The following CLASP1 variants were observed in gnomAD, a reference collection of about 807,000 sequenced individuals.
CLASP1 encodes cytoplasmic linker associated protein 1.
A neutral mutation model predicts 192.3 loss-of-function variants in CLASP1; 38 were observed. The observed-to-expected ratio is 0.20, with a 90% CI of 0.15 to 0.26. CLASP1 has a LOEUF of 0.26. CLASP1 is among the 10% of genes least tolerant of loss of function. The probability of loss-of-function intolerance (pLI) is 1.00; values close to 1 mark genes in which losing one functional copy is unlikely to be tolerated. For synonymous variants in CLASP1, 691 were observed against 712.8 expected, an observed-to-expected ratio of 0.97 and a Z score of 0.49; for missense variants, 1,433 against 1,932.5, an observed-to-expected ratio of 0.74 and a Z score of 4.85.
chr2:121,546,885 T>C (rs1318428817), intron 2 of CLASP1, among the ~76,000 whole-genome samples: 2 of 152,154 alleles, frequency 1.3e-5, no homozygotes, highest in African/African-American at 4.8e-5. Context: ...CCCATTCCTC[T>C]TCAGGGGATG....
intron 8 of CLASP1, among the ~76,000 whole-genome samples, chr2:121,499,405 T>TG (rs1017849233): frequency 3.3e-5 from 5 of 150,854 alleles, no homozygotes; most frequent in African/African-American, 7.3e-5. Context: ...CGCCAGAAAC[T>TG]GGGGGGAGAG....
chr2:121,643,269 C>T (rs997287511), intron 1 of CLASP1, among the ~76,000 whole-genome samples: 4 of 152,064 alleles, frequency 2.6e-5, no homozygotes, highest in Non-Finnish European at 4.4e-5. Flanking sequence ...CAAGTATATA[C>T]GCACTAAAGG....
exon 40 of CLASP1, chr2:121,340,059 C>T (rs1246614752): frequency 1.3e-5 from 2 of 152,214 alleles, no homozygotes; most frequent in Admixed American, 1.3e-4. Flanking sequence ...TCTTTATCTT[C>T]TGTGCTTCAT....
At chr2:121,344,287 G>A (rs1262458829) in intron 39 of CLASP1, among the ~76,000 whole-genome samples, 2 of 151,740 alleles carry the variant, frequency 1.3e-5, no homozygotes, top group African/African-American at 2.4e-5. Flanking sequence ...AGACCTCTTC[G>A]TACAGAAGAT....
rs532738435 is a variant in CLASP1 at position 121,514,460 on chromosome 2, T to C, written c.644+1205A>G. On this transcript the variant is annotated intron_variant, in intron 7 of 39. Transcript: ENST00000263710. Reference sequence around the variant, plus strand: ...TCTTTTTCCTCCTGTGTTCTCACCATATATTCAAAGACCAGAAGGCTGAGG... The same window carrying C: ...TCTTTTTCCTCCTGTGTTCTCACCACATATTCAAAGACCAGAAGGCTGAGG... Among the ~76,000 whole-genome samples the C allele has an allele frequency of 2.6e-5, 4 of 151,660 alleles. No homozygotes were observed. In the South Asian group the frequency reaches 6.2e-4, roughly 24 times the overall value.
intron 17 of CLASP1, 126 bp downstream of exon 17, chr2:121,448,827 T>C (rs2084871993): frequency 4.5e-6 from 4 of 890,298 alleles, no homozygotes; most frequent in African/African-American, 3.4e-5. Flanking sequence ...CACCAGGATC[T>C]ACCTCAAGTA....
At chr2:121,445,458 G>A (rs1212474208) in intron 19 of CLASP1, 1 of 1,289,450 alleles carries the variant, frequency 7.8e-7, no homozygotes, top group South Asian at 1.2e-5. Context: ...CCTGAGTCCA[G>A]GCCTATGTAC....
chr2:121,626,812 T>C (rs2068460289), intron 1 of CLASP1, among the ~76,000 whole-genome samples: 1 of 152,138 alleles, frequency 6.6e-6, no homozygotes, highest in Non-Finnish European at 1.5e-5. Flanking sequence ...CAACAATAGA[T>C]ACACATCTCT....
chr2:121,445,982 GAACT>G (rs1386175342), intron 19 of CLASP1, among the ~76,000 whole-genome samples: 7 of 152,134 alleles, frequency 4.6e-5, no homozygotes, highest in Admixed American at 4.6e-4. Context: ...AAAATTAACA[GAACT>G]AATTCAGCAT....
At position 121,457,549 on chromosome 2, in the gene CLASP1, A is replaced by T. The variant is rs569395411; in HGVS notation, c.1385+138T>A. ...AAAATATTTAGATCTTGATTCTTCA[A>T]CTCAAAGTCATTTACTGCAGTGATT... is the stretch of plus-strand genomic sequence containing the variant. On this transcript the variant is annotated intron_variant, in intron 14 of 39. Transcript: ENST00000263710. The T allele has an allele frequency of 6.1e-6, 4 of 655,854 alleles. No homozygotes were observed. In the South Asian group the frequency reaches 7.9e-5, roughly 13 times the overall value. The allele number at this position is 655,854 out of a possible 1,614,324, so 40.6% of individuals were successfully genotyped here.
intron 8 of CLASP1, among the ~76,000 whole-genome samples, chr2:121,486,547 A>G (rs1410115145): frequency 6.7e-6 from 1 of 149,752 alleles, no homozygotes; most frequent in South Asian, 2.1e-4. Context: ...CAAATCCCAC[A>G]GATATCAGAT....
intron 22 of CLASP1, among the ~76,000 whole-genome samples, chr2:121,419,800 T>C (rs1309035528): frequency 6.6e-6 from 1 of 152,166 alleles, no homozygotes; most frequent in African/African-American, 2.4e-5. Flanking sequence ...TAATAGCTGA[T>C]GGGGACAATA....
chr2:121,418,541 C>T (rs1477279935), intron 23 of CLASP1, 81 bp downstream of exon 23: 2 of 923,748 alleles, frequency 2.2e-6, no homozygotes, highest in Non-Finnish European at 3.5e-6. Context: ...GGAGGAAAAG[C>T]AGGTCATTCC....
chr2:121,532,700 C>T (rs1391170025), intron 2 of CLASP1: 2 of 152,026 alleles, frequency 1.3e-5, no homozygotes, highest in African/African-American at 2.4e-5. Flanking sequence ...AATGAGGTAT[C>T]CTGGAAAAGA....
At chr2:121,464,808 G>A (rs189206037) in intron 9 of CLASP1, among the ~76,000 whole-genome samples, 5 of 152,124 alleles carry the variant, frequency 3.3e-5, no homozygotes, top group South Asian at 2.1e-4. Flanking sequence ...GCCTGTTCAC[G>A]CTGATGGTAG....
intron 38 of CLASP1, among the ~76,000 whole-genome samples, 170 bp downstream of exon 39, chr2:121,348,342 A>T (rs1010218731): frequency 6.6e-6 from 1 of 152,196 alleles, no homozygotes; most frequent in Non-Finnish European, 1.5e-5. Context: ...GGTGAGCTGG[A>T]AGCCGACAGA....
intron 37 of CLASP1, among the ~76,000 whole-genome samples, chr2:121,361,946 C>T (rs1254103522): frequency 2.0e-5 from 3 of 152,230 alleles, no homozygotes; most frequent in Non-Finnish European, 4.4e-5. Context: ...AGTCTGAGGA[C>T]AAGACCCTCG....
chr2:121,442,481 C>CTTTTTTTTTTTTTTTTTTTT (rs761873166), intron 19 of CLASP1, among the ~76,000 whole-genome samples: 26 of 144,400 alleles, frequency 1.8e-4, no homozygotes, highest in African/African-American at 6.1e-4. Context: ...AAATTTCTTT[C>CTTTTTTTTTTTTTTTTTTTT]TTTTTTTTTT....
intron 9 of CLASP1, among the ~76,000 whole-genome samples, chr2:121,464,620 G>C (rs529644760): frequency 1.3e-5 from 2 of 152,208 alleles, no homozygotes; most frequent in African/African-American, 4.8e-5. Context: ...TTTTTCATGT[G>C]TTTTTTTAGC....
Sources: allele counts gnomAD v4.1 joint callset (sites outside exome capture counted in the v4.1 genomes callset), GRCh38; gene constraint gnomAD v4.1.1; transcripts MANE v1.5; gene names NCBI Gene and HGNC (gene_info 2026-07-23, HGNC 2026-07-21).